The following ARMC9 variants were observed in gnomAD, a reference collection of about 807,000 sequenced individuals.
ARMC9 encodes lisH domain-containing protein ARMC9.
In ARMC9, 94 loss-of-function variants were observed where a neutral mutation model predicts 107.0. The ratio of observed to expected loss-of-function variants is 0.88; its 90% CI spans 0.74 to 1.04. ARMC9 has a LOEUF of 1.04. Among genes scored for constraint, ARMC9 ranks in the 50% least tolerant of loss-of-function variants. The pLI is 0.00. For synonymous variants in ARMC9, 380 were observed against 396.9 expected (o/e 0.96, Z 0.51); for missense variants, 942 against 1,030.1 (o/e 0.91, Z 1.17).
chr2:231,301,522 A>G (rs749648506), intron 19 of ARMC9, among the ~76,000 whole-genome samples: 3 of 151,896 alleles, frequency 2.0e-5, no homozygotes, highest in Non-Finnish European at 2.9e-5. Flanking sequence ...GTTTTTGCCA[A>G]TCTGGATTTG....
intron 12 of ARMC9, among the ~76,000 whole-genome samples, chr2:231,263,346 G>C (rs1196550450): frequency 3.9e-5 from 6 of 152,206 alleles, no homozygotes; most frequent in Admixed American, 6.5e-5. Flanking sequence ...TGTGCTCATA[G>C]TTCTGGAGTC....
chr2:231,311,479 C>CAGGG (rs2042343082), intron 19 of ARMC9, among the ~76,000 whole-genome samples: 5 of 152,062 alleles, frequency 3.3e-5, no homozygotes, highest in Admixed American at 3.3e-4. Flanking sequence ...GAACACTGTG[C>CAGGG]AGGGGTTCTG....
rs570509119 is a variant in ARMC9, at chr2:231,244,022, A to G, written c.879+3981A>G. 7.9e-5 allele frequency among the ~76,000 whole-genome samples: 12 copies of G among 152,314 alleles called. No individual in the cohort carries two copies. The East Asian group carries it at 2.1e-3, about 27-fold the overall frequency. Reference sequence around the variant, plus strand: ...TACGTGGCACAGATCAGCGTCCTTCATAGAGCGGTCTTGGGTCAGCTCGCC... The same window carrying G: ...TACGTGGCACAGATCAGCGTCCTTCGTAGAGCGGTCTTGGGTCAGCTCGCC... On this transcript the variant is annotated intron_variant, in intron 9 of 24. Transcript: ENST00000611582.
At chr2:231,262,655 A>G (rs926196318) in intron 12 of ARMC9, among the ~76,000 whole-genome samples, 9 of 151,870 alleles carry the variant, frequency 5.9e-5, no homozygotes, top group Non-Finnish European at 1.3e-4. Context: ...CCTACTCTTT[A>G]CCTCACCTCA....
intron 22 of ARMC9, 61 bp downstream of exon 22, chr2:231,355,995 A>G (rs989480897): frequency 6.7e-7 from 1 of 1,485,606 alleles, no homozygotes; most frequent in African/African-American, 1.4e-5. Context: ...AACCTACGCA[A>G]AACAGCAGCA....
chr2:231,239,134 C>T (rs200219234), intron 8 of ARMC9, among the ~76,000 whole-genome samples: 8 of 152,230 alleles, frequency 5.3e-5, no homozygotes, highest in Non-Finnish European at 7.4e-5. Flanking sequence ...AGTCATTATC[C>T]GCAGGGATTG....
intron 3 of ARMC9, among the ~76,000 whole-genome samples, chr2:231,210,949 T>C (rs1305593127): frequency 1.3e-5 from 2 of 152,196 alleles, no homozygotes; most frequent in Non-Finnish European, 2.9e-5. Context: ...ACTATTCTAC[T>C]TTCTGTCTAT....
intron 3 of ARMC9, among the ~76,000 whole-genome samples, chr2:231,210,520 A>G (rs1180611821): frequency 6.6e-6 from 1 of 152,236 alleles, no homozygotes; most frequent in African/African-American, 2.4e-5. Context: ...TGAGAGGAAT[A>G]TAGCAAATCC....
intron 19 of ARMC9, among the ~76,000 whole-genome samples, chr2:231,318,445 T>C (rs1221778687): frequency 6.6e-6 from 1 of 152,202 alleles, no homozygotes; most frequent in Non-Finnish European, 1.5e-5. Context: ...GTTTTCTGCA[T>C]GTACCTGTAG....
At chr2:231,251,822 C>T (rs888589761) in intron 9 of ARMC9, among the ~76,000 whole-genome samples, 2 of 151,880 alleles carry the variant, frequency 1.3e-5, no homozygotes, top group African/African-American at 2.4e-5. Context: ...ACCTCCTGGG[C>T]TCAGGTGATC....
chr2:231,269,505 C>T (rs1343667916), intron 12 of ARMC9, among the ~76,000 whole-genome samples: 1 of 150,792 alleles, frequency 6.6e-6, no homozygotes, highest in African/African-American at 2.5e-5. Flanking sequence ...CCTGCCTCAG[C>T]CTCCCGAGTA....
chr2:231,205,299 G>A lies in ARMC9; in HGVS notation c.-41-899G>A, dbSNP rs531276693. Among the ~76,000 whole-genome samples the A allele has an allele frequency of 7.2e-5, 11 of 152,194 alleles. No homozygotes were observed. The South Asian group carries it at 2.3e-3, about 32-fold the overall frequency. On this transcript the variant is annotated intron_variant, in intron 1 of 24. Transcript: ENST00000611582. ...GAGGGAGGATCCCTTGAACCCAGGAGTTTTAGCTTGCAGTGAGCTATGATT... is the reference window on the plus strand; with the variant it reads ...GAGGGAGGATCCCTTGAACCCAGGAATTTTAGCTTGCAGTGAGCTATGATT...
chr2:231,327,509 A>G (rs958793970), intron 19 of ARMC9, among the ~76,000 whole-genome samples: 6 of 152,202 alleles, frequency 3.9e-5, no homozygotes, highest in African/African-American at 1.4e-4. Flanking sequence ...TGTGTACATC[A>G]GTAGTTCCTT....
chr2:231,242,920 G>T (rs1037505670), intron 9 of ARMC9, among the ~76,000 whole-genome samples: 1 of 151,834 alleles, frequency 6.6e-6, no homozygotes, highest in African/African-American at 2.4e-5. Context: ...AGGCCAGTCT[G>T]GGCAACATGG....
At chr2:231,309,217 A>G (rs2042200963) in intron 19 of ARMC9, among the ~76,000 whole-genome samples, 1 of 152,276 alleles carries the variant, frequency 6.6e-6, no homozygotes, top group South Asian at 2.1e-4. Flanking sequence ...GTTTCTATGG[A>G]AATAGACATC....
intron 5 of ARMC9, among the ~76,000 whole-genome samples, chr2:231,218,650 C>G (rs2033787001): frequency 6.6e-6 from 1 of 152,118 alleles, no homozygotes; most frequent in Non-Finnish European, 1.5e-5. Flanking sequence ...CTTCCGTATT[C>G]ATGGAGATTC....
chr2:231,304,187 G>A (rs928244045), intron 19 of ARMC9, among the ~76,000 whole-genome samples: 5 of 152,040 alleles, frequency 3.3e-5, no homozygotes, highest in African/African-American at 9.7e-5. Flanking sequence ...CCGAGATCGC[G>A]CCACTGCACT....
chr2:231,375,950 A>AT lies in ARMC9; in HGVS notation c.*4418dup, dbSNP rs112683918. ...CGTGGATTGTGATGATTTCATGGACATTTATTAGTTCCCCCAAATTAATAC... is the reference window on the plus strand; with the variant it reads ...CGTGGATTGTGATGATTTCATGGACATTTTATTAGTTCCCCCAAATTAATAC... On this transcript the variant is annotated 3_prime_UTR_variant, in exon 25 of 25. Coordinates refer to ENST00000611582, the MANE Select transcript of ARMC9 (RefSeq NM_001352754.2). The surrounding 1 kb of genome is among the most constrained non-coding windows in gnomAD (Gnocchi z 4.3). Among the ~76,000 whole-genome samples the AT allele has an allele frequency of 7.8e-3, 1,185 of 152,316 alleles. 13 individuals carry two copies. Among genetic ancestry groups the AT allele is most frequent in the African/African-American group, 0.027 (1,133 of 41,568 alleles).
At chr2:231,220,596 C>CAAA (rs71396668) in intron 5 of ARMC9, among the ~76,000 whole-genome samples, 36 of 66,148 alleles carry the variant, frequency 5.4e-4, no homozygotes, top group African/African-American at 1.6e-3. Flanking sequence ...GACTCCATCT[C>CAAA]AAAAAAAAAA....
Sources: allele counts gnomAD v4.1 joint callset (sites outside exome capture counted in the v4.1 genomes callset), GRCh38; gene constraint gnomAD v4.1.1; non-coding constraint Gnocchi (gnomAD v3.1); transcripts MANE v1.5; gene names NCBI Gene and HGNC (gene_info 2026-07-23, HGNC 2026-07-21).